The following LVRN variants were observed in gnomAD, a reference collection of about 807,000 sequenced individuals.
The protein encoded by LVRN is aminopeptidase Q.
In LVRN, 99 loss-of-function variants were observed where a neutral mutation model predicts 111.4. The observed-to-expected ratio is 0.89, with a 90% confidence interval of 0.76 to 1.05. LVRN has a LOEUF of 1.05. Ranked by LOEUF, LVRN falls within the 50% of genes least tolerant of loss-of-function variation. The probability of loss-of-function intolerance (pLI) is 0.00; values close to 1 mark genes in which losing one functional copy is unlikely to be tolerated. For synonymous variants in LVRN, 488 were observed against 449.5 expected (o/e 1.09, Z -1.08); for missense variants, 1,414 against 1,206.8 (o/e 1.17, Z -2.54).
chr5:116,011,354 A>G (rs1748486083), intron 14 of LVRN, among the ~76,000 whole-genome samples: 1 of 152,168 alleles, frequency 6.6e-6, no homozygotes, highest in Non-Finnish European at 1.5e-5. Context: ...AGAAAATGTA[A>G]AAATTTGAAG....
At chr5:115,982,800 A>G (rs1469752236) in intron 1 of LVRN, among the ~76,000 whole-genome samples, 2 of 152,144 alleles carry the variant, frequency 1.3e-5, no homozygotes, top group Non-Finnish European at 2.9e-5. Flanking sequence ...TTTACTCCCA[A>G]GAGTGTCCAA....
chr5:116,002,328 A>G (rs1010252119), intron 10 of LVRN, among the ~76,000 whole-genome samples: 2 of 152,208 alleles, frequency 1.3e-5, no homozygotes, highest in African/African-American at 4.8e-5. Flanking sequence ...AGCGTCCAGC[A>G]ATGTGGGAAG....
At chr5:116,020,140 T>C (rs1340611274) in intron 18 of LVRN, 1 of 152,348 alleles carries the variant, frequency 6.6e-6, no homozygotes, top group East Asian at 1.9e-4. Context: ...CTCACTCTCA[T>C]GTACAGGGCA....
At chr5:115,969,567 G>A (rs1178471801) in intron 1 of LVRN, among the ~76,000 whole-genome samples, 1 of 151,988 alleles carries the variant, frequency 6.6e-6, no homozygotes, top group Non-Finnish European at 1.5e-5. Flanking sequence ...GGAGGCCGAG[G>A]CAGGTGGATC....
At chr5:116,007,894 A>T (rs377338178) in intron 13 of LVRN, among the ~76,000 whole-genome samples, 20 of 152,298 alleles carry the variant, frequency 1.3e-4, no homozygotes, top group Middle Eastern at 3.4e-3. Flanking sequence ...GGAATTGATG[A>T]TGTTATGACT....
chr5:115,979,534 A>G (rs1753519180), intron 1 of LVRN, among the ~76,000 whole-genome samples: 1 of 152,156 alleles, frequency 6.6e-6, no homozygotes, highest in Non-Finnish European at 1.5e-5. Context: ...GAGAAGCCCA[A>G]CAGGCATACC....
chr5:116,022,063 T>C (rs1748741700), intron 18 of LVRN: 1 of 226,538 alleles, frequency 4.4e-6, no homozygotes, highest in Non-Finnish European at 8.6e-6. Context: ...ATAATTTATA[T>C]ATTTATTTAT....
intron 1 of LVRN, among the ~76,000 whole-genome samples, chr5:115,965,752 A>G (rs563812926): frequency 6.6e-6 from 1 of 151,306 alleles, no homozygotes; most frequent in East Asian, 2.0e-4. Context: ...GCTTGCATTC[A>G]CTCTGTCTTG....
intron 15 of LVRN, among the ~76,000 whole-genome samples, chr5:116,013,678 C>T (rs1529442): frequency 0.75 from 114,243 of 152,014 alleles, 43,458 homozygotes; most frequent in East Asian, 0.96. Flanking sequence ...AACTGGAGGA[C>T]GGAGTAACAG....
At chr5:116,010,953 T>G (rs1221772913) in intron 14 of LVRN, 59 bp downstream of exon 14, 1 of 1,289,228 alleles carries the variant, frequency 7.8e-7, no homozygotes, top group Non-Finnish European at 1.0e-6. Context: ...CTTTTCATAT[T>G]TTAGCCAGCA....
chr5:116,007,571 C>G (rs1748400876), intron 13 of LVRN, among the ~76,000 whole-genome samples: 1 of 152,160 alleles, frequency 6.6e-6, no homozygotes, highest in African/African-American at 2.4e-5. Context: ...TATTCACTGC[C>G]TTTGGGACCT....
Position 116,003,451 on chromosome 5 carries a change from C to G in LVRN, c.2037+71C>G, listed in dbSNP as rs1215288044. On this transcript the variant is annotated intron_variant, in intron 12 of 19. Transcript: ENST00000357872. Reference sequence around the variant, plus strand: ...CTTCTCTAGTGTTTTAGAAGTTGAACATTCTGGTGGGAAGAGATTCCACCT... The same window carrying G: ...CTTCTCTAGTGTTTTAGAAGTTGAAGATTCTGGTGGGAAGAGATTCCACCT... 3 of 1,041,994 alleles carry G rather than the reference C, an allele frequency of 2.9e-6. No individual in the cohort carries two copies. In the African/African-American group the frequency reaches 5.1e-5, roughly 18 times the overall value. The allele number at this position is 1,041,994 out of a possible 1,614,324, so 64.5% of individuals were successfully genotyped here.
chr5:115,991,020 C>T (rs757281897), intron 4 of LVRN, among the ~76,000 whole-genome samples: 2 of 152,096 alleles, frequency 1.3e-5, no homozygotes, highest in Admixed American at 6.6e-5. Context: ...TGGTGTGGTA[C>T]ACTTGTTACA....
rs1748474097 is a variant in LVRN, at chr5:116,010,841, AC to A, written c.2196del (p.Arg733GlyfsTer7). The A allele has an allele frequency of 1.3e-5, 21 of 1,611,856 alleles. No homozygotes were observed. Among genetic ancestry groups the A allele is most frequent in the Non-Finnish European group, 1.8e-5 (21 of 1,178,950 alleles). ...VWHTVLVNLV[T>X]RDLVSEVNIY... ...GCATACAGTCTTGGTAAACTTGGTAACCAGGGATCTTGTTTCTGAGGTGAAC... is the reference window on the plus strand; with the variant it reads ...GCATACAGTCTTGGTAAACTTGGTAACAGGGATCTTGTTTCTGAGGTGAAC... On this transcript the variant is annotated frameshift_variant, in exon 14 of 20. Transcript: ENST00000357872. LOFTEE classifies it high-confidence loss of function.
intron 1 of LVRN, among the ~76,000 whole-genome samples, chr5:115,977,683 C>G (rs955061934): frequency 3.3e-5 from 5 of 152,108 alleles, no homozygotes; most frequent in African/African-American, 1.2e-4. Flanking sequence ...AGGCTTGGGA[C>G]CTGGAGCCCT....
At chr5:116,014,087 A>T (rs957714590) in intron 15 of LVRN, among the ~76,000 whole-genome samples, 58 of 152,328 alleles carry the variant, frequency 3.8e-4, no homozygotes, top group African/African-American at 1.3e-3. Flanking sequence ...CAATTGCAGT[A>T]AAAGACAGGA....
At position 115,978,376 on chromosome 5, in the gene LVRN, C is replaced by G. The variant is rs186478004; in HGVS notation, c.696-4911C>G. ...CTGTGTCTTTTGAAAATACGTATAGCTAGCATATTGAAAAAGCATAGCTTA... is the reference window on the plus strand; with the variant it reads ...CTGTGTCTTTTGAAAATACGTATAGGTAGCATATTGAAAAAGCATAGCTTA... On this transcript the variant is annotated intron_variant, in intron 1 of 19. Transcript: ENST00000357872. Among the ~76,000 whole-genome samples, 523 of 152,272 alleles carry G rather than the reference C, an allele frequency of 3.4e-3. 5 individuals carry two copies. The highest frequency in any genetic ancestry group is 9.9e-3 in the South Asian group (48 of 4,826).
Position 115,962,851 on chromosome 5 carries a change from A to G in LVRN, c.234A>G (p.Leu78=). 6.2e-7 allele frequency: 1 copy of G among 1,612,908 alleles called. No individual in the cohort carries two copies. Residue 78 remains leucine, a synonymous_variant, in exon 1 of 20, where the codon CTA becomes CTG. Coordinates refer to ENST00000357872, the MANE Select transcript of LVRN (RefSeq NM_173800.5). ...CGAAACCCAGCAGTGCACGCGAGCTAGCGGTGACGACCACCCCGAGCAACT... is the reference window on the plus strand; with the variant it reads ...CGAAACCCAGCAGTGCACGCGAGCTGGCGGTGACGACCACCCCGAGCAACT... ...PTPKPSSARE[L]AVTTTPSNWR...
Position 115,991,610 on chromosome 5 carries a change from T to C in LVRN, c.1106-513T>C, listed in dbSNP as rs562063239. Reference sequence around the variant, plus strand: ...TGGTCAACCTATAGTGACTGTACCATTTTGCATCCCCACGAGCAATGAATG... The same window carrying C: ...TGGTCAACCTATAGTGACTGTACCACTTTGCATCCCCACGAGCAATGAATG... On this transcript the variant is annotated intron_variant, in intron 4 of 19. Transcript: ENST00000357872. 3.3e-5 allele frequency among the ~76,000 whole-genome samples: 5 copies of C among 152,314 alleles called. No individual in the cohort carries two copies. The East Asian group carries it at 9.7e-4, about 29-fold the overall frequency.
Sources: allele counts gnomAD v4.1 joint callset (sites outside exome capture counted in the v4.1 genomes callset), GRCh38; gene constraint gnomAD v4.1.1; transcripts MANE v1.5; gene names NCBI Gene and HGNC (gene_info 2026-07-23, HGNC 2026-07-21).